VPS8: variants seen among roughly 807,000 people sequenced by gnomAD.
The protein encoded by VPS8 is VPS8 subunit of CORVET complex, also known as vacuolar protein sorting-associated protein 8 homolog.
In VPS8, 129 loss-of-function variants were observed where a neutral mutation model predicts 216.4. That is an observed-to-expected ratio of 0.60 (90% confidence interval 0.52 to 0.69). The LOEUF (loss-of-function observed/expected upper bound fraction) is 0.69. Ranked by LOEUF, VPS8 falls within the 30% of genes least tolerant of loss-of-function variation. VPS8 has a pLI of 0.00. For missense variants in VPS8, 1,531 were observed against 1,683.5 expected (o/e 0.91, Z 1.59); for synonymous variants, 571 against 565.4 (o/e 1.01, Z -0.14).
At chr3:184,878,246 G>A (rs2108820089) in intron 21 of VPS8, among the ~76,000 whole-genome samples, 1 of 152,122 alleles carries the variant, frequency 6.6e-6, no homozygotes, top group East Asian at 1.9e-4. Flanking sequence ...GAGCAGCTGG[G>A]ATTACAGGTG....
At chr3:184,826,975 A>G (rs1020688258) in intron 3 of VPS8, among the ~76,000 whole-genome samples, 3 of 152,134 alleles carry the variant, frequency 2.0e-5, no homozygotes, top group Non-Finnish European at 4.4e-5. Flanking sequence ...TCTGCTGACA[A>G]CCCTTCAACT....
chr3:185,017,080 C>T (rs545256483), intron 45 of VPS8, among the ~76,000 whole-genome samples: 1 of 152,096 alleles, frequency 6.6e-6, no homozygotes, highest in South Asian at 2.1e-4. Flanking sequence ...TATAATTGTT[C>T]TGGAATTAGA....
At chr3:185,029,627 T>C (rs1757841224) in intron 46 of VPS8, among the ~76,000 whole-genome samples, 1 of 151,514 alleles carries the variant, frequency 6.6e-6, no homozygotes, top group Non-Finnish European at 1.5e-5. Context: ...TGCAGTGGTG[T>C]GATCTCAGTT....
chr3:184,910,344 G>A (rs765775129), intron 25 of VPS8, among the ~76,000 whole-genome samples: 21 of 151,866 alleles, frequency 1.4e-4, no homozygotes, highest in Non-Finnish European at 1.8e-4. Context: ...TTTCTGTGAT[G>A]GCCTCCAGCT....
At position 184,849,961 on chromosome 3, in the gene VPS8, G is replaced by A; in HGVS notation, c.692G>A (p.Gly231Glu). ...ATCACCATGTGGGATTTGGCCAGTG[G>A]AAAACTTCTAAGATCAATAACAGAT... is the stretch of plus-strand genomic sequence containing the variant. ...GQITMWDLAS[G>E]KLLRSITDAH... Residue 231 changes from glycine to glutamate, a missense_variant, in exon 10 of 48, where the codon GGA becomes GAA. Coordinates refer to ENST00000625842, the MANE Select transcript of VPS8 (RefSeq NM_001009921.3). The A allele has an allele frequency of 6.2e-7, 1 of 1,613,374 alleles. No homozygotes were observed. The highest frequency in any genetic ancestry group is 1.7e-4 in the Middle Eastern group (1 of 6,056).
Position 184,894,880 on chromosome 3 carries a change from A to C in VPS8, c.1959A>C (p.Glu653Asp). Residue 653 changes from glutamate to aspartate, a missense_variant, in exon 23 of 48, where the codon GAA becomes GAC. Physicochemically the swap from Glu to Asp is conservative, Grantham distance 45. Around this residue, in one of 3 missense-constraint regions of VPS8, gnomAD observed 1,318 missense variants for 1,468.4 expected, o/e 0.90. Transcript: ENST00000625842. ...ATAAAAAATTAATGGAAAATGTGGA[A>C]GCGCTCATTGTACATATGGATATCA... is the stretch of plus-strand genomic sequence containing the variant. ...FQDKKLMENVEALIVHMDITS... is the reference protein window; with the variant it reads ...FQDKKLMENVDALIVHMDITS... 1 of 1,609,356 alleles carries C rather than the reference A, an allele frequency of 6.2e-7. No homozygotes were observed. Among genetic ancestry groups the C allele is most frequent in the East Asian group, 2.2e-5 (1 of 44,758 alleles).
In VPS8 at chr3:184,896,206, TCTTCATA is replaced by T. The variant is rs372951960; in HGVS notation, c.2004+1282_2004+1288del. On this transcript the variant is annotated intron_variant, in intron 23 of 47. Transcript: ENST00000625842. ...GTATTATATGGCTAATTTGGCATAG[TCTTCATA>T]GTCTTACAATAGGTCTGATGACTTG... Among the ~76,000 whole-genome samples, 371 of 152,278 alleles carry T rather than the reference TCTTCATA, an allele frequency of 2.4e-3. 1 individual carries two copies. The highest frequency in any genetic ancestry group is 8.5e-3 in the African/African-American group (354 of 41,550).
chr3:184,952,788 C>T (rs1315037862), intron 36 of VPS8, among the ~76,000 whole-genome samples: 2 of 152,298 alleles, frequency 1.3e-5, no homozygotes, highest in Admixed American at 6.5e-5. Flanking sequence ...CACTGCATGT[C>T]CTCTGCCATT....
intron 3 of VPS8, among the ~76,000 whole-genome samples, chr3:184,828,634 T>C (rs1349815475): frequency 6.6e-6 from 1 of 152,240 alleles, no homozygotes; most frequent in Admixed American, 6.5e-5. Flanking sequence ...TTTGGCCTCA[T>C]TAAGACCAAG....
At chr3:184,949,715 T>A (rs1744308407) in intron 36 of VPS8, among the ~76,000 whole-genome samples, 1 of 152,198 alleles carries the variant, frequency 6.6e-6, no homozygotes, top group Non-Finnish European at 1.5e-5. Flanking sequence ...TAATCACATT[T>A]AATGTATTTT....
rs115849919 is a variant in VPS8, at chr3:184,832,201, A to G, written c.223-488A>G. On this transcript the variant is annotated intron_variant, in intron 3 of 47. Coordinates refer to ENST00000625842, the MANE Select transcript of VPS8 (RefSeq NM_001009921.3). ...GGACTACTACTTTTCCCATGGACAA[A>G]ATCTGTATTGTGAAATCACTGTGTC... Among the ~76,000 whole-genome samples the G allele has an allele frequency of 4.4e-3, 673 of 152,200 alleles. 7 individuals carry two copies. The highest frequency in any genetic ancestry group is 0.015 in the African/African-American group (631 of 41,538).
chr3:184,931,618 AG>A (rs1740699942), intron 34 of VPS8, among the ~76,000 whole-genome samples: 1 of 152,226 alleles, frequency 6.6e-6, no homozygotes, highest in Admixed American at 6.5e-5. Context: ...AAGGTAGTAT[AG>A]CCAGTCATGA....
intron 28 of VPS8, among the ~76,000 whole-genome samples, chr3:184,918,489 T>A (rs372845308): frequency 1.3e-5 from 2 of 152,220 alleles, no homozygotes; most frequent in South Asian, 4.1e-4. Context: ...TCTAACAATG[T>A]GCCATTTTGG....
At chr3:184,841,698 G>A (rs1178448985) in intron 7 of VPS8, among the ~76,000 whole-genome samples, 1 of 152,156 alleles carries the variant, frequency 6.6e-6, no homozygotes, top group Non-Finnish European at 1.5e-5. Context: ...TGGTCTTCCT[G>A]TGGGGCATAA....
chr3:184,982,190 T>A (rs1016952978), intron 40 of VPS8, among the ~76,000 whole-genome samples: 7 of 152,158 alleles, frequency 4.6e-5, no homozygotes, highest in Admixed American at 3.3e-4. Context: ...TTTTAAACTT[T>A]GTCAGTGATA....
At chr3:184,895,315 G>A (rs1396188313) in intron 23 of VPS8, among the ~76,000 whole-genome samples, 1 of 152,004 alleles carries the variant, frequency 6.6e-6, no homozygotes, top group Non-Finnish European at 1.5e-5. Context: ...CTCATGAATT[G>A]TAGAATATTT....
chr3:184,894,630 A>G (rs1733044625), intron 22 of VPS8, 73 bp from the exon 23 acceptor site: 2 of 1,148,792 alleles, frequency 1.7e-6, no homozygotes, highest in Admixed American at 2.3e-5. Context: ...AAGATGAGAT[A>G]TATTTGGGAG....
intron 15 of VPS8, among the ~76,000 whole-genome samples, chr3:184,860,748 A>T (rs529202370): frequency 1.3e-5 from 2 of 150,832 alleles, no homozygotes; most frequent in East Asian, 1.9e-4. Flanking sequence ...AGCTTGTGCA[A>T]CCTCTTTTTT....
chr3:184,920,047 A>T, intron 28 of VPS8, 80 bp from the exon 29 acceptor site: 1 of 1,032,618 alleles, frequency 9.7e-7, no homozygotes. Flanking sequence ...CTTGGATTTT[A>T]TTAACAAGAA....
Sources: gnomAD v4.1 joint callset for allele counts (sites outside exome capture counted in the v4.1 genomes callset) on GRCh38, gnomAD v4.1.1 for gene constraint, gnomAD v4.1.1 regional missense constraint, MANE v1.5 for transcripts, NCBI Gene and HGNC (gene_info 2026-07-23, HGNC 2026-07-21) for gene names.